The following CD44 variants were observed in gnomAD, a reference collection of about 807,000 sequenced individuals.
CD44 encodes the protein CD44 molecule (IN blood group).
In CD44, 49 loss-of-function variants were observed where a neutral mutation model predicts 88.8. That is an observed-to-expected ratio of 0.55 (90% confidence interval 0.44 to 0.70). The LOEUF (loss-of-function observed/expected upper bound fraction) is 0.70. Ranked by LOEUF, CD44 falls within the 30% of genes least tolerant of loss-of-function variation. The pLI, the probability that CD44 is intolerant of heterozygous loss-of-function variation, is 0.00. For synonymous variants in CD44, 325 were observed against 312.3 expected, an observed-to-expected ratio of 1.04 and a Z score of -0.43; for missense variants, 883 against 913.8, an observed-to-expected ratio of 0.97 and a Z score of 0.43.
chr11:35,204,261 T>C (rs1016410647), intron 9 of CD44, among the ~76,000 whole-genome samples: 7 of 152,214 alleles, frequency 4.6e-5, no homozygotes, highest in Non-Finnish European at 5.9e-5. Flanking sequence ...TCAGCTATGG[T>C]CTGCTTAGTC....
rs1169402518 is a variant in CD44, at chr11:35,229,573, C to G, written c.*240C>G. The G allele has an allele frequency of 4.0e-6, 2 of 502,066 alleles. No homozygotes were observed. The highest frequency in any genetic ancestry group is 7.1e-6 in the Non-Finnish European group (2 of 280,292). 31.1% of individuals were successfully genotyped at this position (502,066 alleles called of 1,614,324 possible). ...AATAATCAGCAAGAATTTGATCGTT[C>G]CAGTTCCCACTTGGAGGCCTTTCAT... On this transcript the variant is annotated 3_prime_UTR_variant, in exon 18 of 18. Transcript: ENST00000428726.
chr11:35,229,297 G>A lies in CD44; in HGVS notation c.2193G>A (p.Arg731=), dbSNP rs1468695667. ...AGTTTATGACAGCTGATGAGACAAG[G>A]AACCTGCAGAATGTGGACATGAAGA... is the stretch of plus-strand genomic sequence containing the variant. ...PDQFMTADET[R]NLQNVDMKIG... Residue 731 remains arginine (R), a synonymous_variant, in exon 18 of 18, where the codon AGG becomes AGA. Transcript: ENST00000428726. The A allele has an allele frequency of 6.2e-7, 1 of 1,613,734 alleles. No individual in the cohort carries two copies.
chr11:35,203,270 A>C (rs151262353), intron 9 of CD44, among the ~76,000 whole-genome samples: 1 of 151,758 alleles, frequency 6.6e-6, no homozygotes, highest in African/African-American at 2.4e-5. Context: ...GTACTTAAAA[A>C]AATCATTATG....
chr11:35,179,406 A>G (rs1944778444), intron 2 of CD44, among the ~76,000 whole-genome samples: 2 of 152,204 alleles, frequency 1.3e-5, no homozygotes, highest in African/African-American at 4.8e-5. Flanking sequence ...TTTTAGCACA[A>G]TTAAAAAATA....
intron 1 of CD44, among the ~76,000 whole-genome samples, chr11:35,162,092 G>A (rs1165748638): frequency 2.6e-5 from 4 of 152,222 alleles, no homozygotes; most frequent in African/African-American, 9.6e-5. Flanking sequence ...GCTCTTTGAG[G>A]GCACAGATCG....
At chr11:35,181,312 C>A (rs951509318) in intron 3 of CD44, among the ~76,000 whole-genome samples, 3 of 152,138 alleles carry the variant, frequency 2.0e-5, no homozygotes, top group African/African-American at 7.2e-5. Context: ...TTCTCTATGT[C>A]TTTGTGACTT....
intron 3 of CD44, among the ~76,000 whole-genome samples, chr11:35,183,873 C>T (rs759551281): frequency 7.2e-5 from 11 of 152,154 alleles, no homozygotes; most frequent in Non-Finnish European, 1.5e-4. Flanking sequence ...TATCCATTTC[C>T]TCCTTTATTC....
At chr11:35,197,846 C>T (rs1327718820) in intron 6 of CD44, 4 of 338,968 alleles carry the variant, frequency 1.2e-5, no homozygotes, top group Non-Finnish European at 2.1e-5. Context: ...TTTTCATTAG[C>T]CTTTAAAAAC....
intron 1 of CD44, among the ~76,000 whole-genome samples, chr11:35,145,438 C>A (rs370100832): frequency 6.6e-6 from 1 of 152,136 alleles, no homozygotes; most frequent in African/African-American, 2.4e-5. Context: ...GACTGCCCAC[C>A]ACAGGCCTCA....
At chr11:35,219,459 G>A in intron 16 of CD44, 72 bp downstream of exon 16, 1 of 1,104,592 alleles carries the variant, frequency 9.1e-7, no homozygotes, top group South Asian at 1.3e-5. Flanking sequence ...CAAGGACGAA[G>A]AGACTCATTT....
At chr11:35,153,878 G>A (rs1269565243) in intron 1 of CD44, among the ~76,000 whole-genome samples, 1 of 152,208 alleles carries the variant, frequency 6.6e-6, no homozygotes, top group East Asian at 1.9e-4. Flanking sequence ...ACTTCTCAGA[G>A]CTGTACCAGC....
In CD44 at chr11:35,171,809, G is replaced by A. The variant is rs1182369608; in HGVS notation, c.68-4766G>A. Among the ~76,000 whole-genome samples the A allele has an allele frequency of 2.6e-5, 4 of 151,884 alleles. No individual in the cohort carries two copies. In the East Asian group the frequency reaches 7.7e-4, roughly 29 times the overall value. On this transcript the variant is annotated intron_variant, in intron 1 of 17. Transcript: ENST00000428726. ...TACATTGTTAACTAAAGAAAAATGGGTGCCCTTTGAAGATTTTTAAAGATT... is the reference window on the plus strand; with the variant it reads ...TACATTGTTAACTAAAGAAAAATGGATGCCCTTTGAAGATTTTTAAAGATT...
intron 3 of CD44, among the ~76,000 whole-genome samples, chr11:35,181,929 TATATAAATTATA>T (rs1945134538): frequency 7.7e-5 from 4 of 51,616 alleles, no homozygotes; most frequent in African/African-American, 3.3e-4. Context: ...TATTATATTA[TATATAAATTATA>T]TATAATATAT....
rs1312269206 is a variant in CD44, at chr11:35,146,143, C to CTGAGG, written c.67+6775_67+6779dup. On this transcript the variant is annotated intron_variant, in intron 1 of 17. Transcript: ENST00000428726. The stretch of plus-strand genomic sequence containing the variant: ...GCACTGGCTGCCTGGGTGTGTCCTC[C>CTGAGG]TGAGGTAAGTGTCCCTGCGAAGTGC... Among the ~76,000 whole-genome samples, 8 of 152,262 alleles carry CTGAGG rather than the reference C, an allele frequency of 5.3e-5. No individual in the cohort carries two copies. The East Asian group carries it at 1.5e-3, about 29-fold the overall frequency.
At chr11:35,166,259 T>C (rs1283602244) in intron 1 of CD44, among the ~76,000 whole-genome samples, 1 of 152,200 alleles carries the variant, frequency 6.6e-6, no homozygotes, top group African/African-American at 2.4e-5. Context: ...GTGGGTACTG[T>C]GGTTTCTCTG....
chr11:35,181,074 T>G (rs1028278946), intron 3 of CD44, among the ~76,000 whole-genome samples: 3 of 152,162 alleles, frequency 2.0e-5, no homozygotes, highest in Non-Finnish European at 4.4e-5. Context: ...TGATGGGAAG[T>G]CATTACAGGT....
At chr11:35,228,475 A>G (rs1190268262) in intron 17 of CD44, among the ~76,000 whole-genome samples, 2 of 152,222 alleles carry the variant, frequency 1.3e-5, no homozygotes. Context: ...TACAAATCAG[A>G]ATGATTTACA....
At chr11:35,195,346 A>G (rs1427964093) in intron 5 of CD44, among the ~76,000 whole-genome samples, 1 of 152,106 alleles carries the variant, frequency 6.6e-6, no homozygotes, top group East Asian at 1.9e-4. Context: ...TACTTCTATA[A>G]ATAATCGTGA....
chr11:35,153,048 G>A (rs353619), intron 1 of CD44, among the ~76,000 whole-genome samples: 37,096 of 152,054 alleles, frequency 0.24, 4,856 homozygotes, highest in African/African-American at 0.35. Context: ...AATGGGAAAG[G>A]GTGTTAGGAA....
Sources: allele counts gnomAD v4.1 joint callset (sites outside exome capture counted in the v4.1 genomes callset), GRCh38; gene constraint gnomAD v4.1.1; transcripts MANE v1.5; gene names NCBI Gene and HGNC (gene_info 2026-07-23, HGNC 2026-07-21).